TMEM132A: variants seen among roughly 807,000 people sequenced by gnomAD.
TMEM132A encodes the protein transmembrane protein 132A.
TMEM132A carries 48 observed loss-of-function variants against 69.9 expected under a neutral mutation model. The observed-to-expected ratio is 0.69, with a 90% CI of 0.55 to 0.87. The LOEUF is 0.87. Among genes scored for constraint, TMEM132A ranks in the 40% least tolerant of loss-of-function variants. TMEM132A has a pLI of 0.00. For missense variants in TMEM132A, 1,287 were observed against 1,407.2 expected, an observed-to-expected ratio of 0.91 and a Z score of 1.37; for synonymous variants, 577 against 613.7, an observed-to-expected ratio of 0.94 and a Z score of 0.88.
At chr11:60,925,877 G>A (rs1856336651) in intron 1 of TMEM132A, 1 of 152,268 alleles carries the variant, frequency 6.6e-6, no homozygotes, top group South Asian at 2.1e-4. Flanking sequence ...TTTTACAAGT[G>A]AGGAAACAGG....
chr11:60,934,900 A>C (rs1285989799), intron 9 of TMEM132A, 136 bp downstream of exon 9: 24 of 972,602 alleles, frequency 2.5e-5, no homozygotes, highest in Non-Finnish European at 3.0e-6. Flanking sequence ...GTCTGAGTGC[A>C]GTGGGATTGG....
rs144571499 is a variant in TMEM132A at position 60,932,011 on chromosome 11, C to G, written c.1240C>G (p.Leu414Val). The change falls in exon 7 of 11, where the codon CTG becomes GTG. Residue 414 changes from leucine (L) to valine (V), a missense_variant. Leu to Val is a conservative substitution (Grantham distance 32). Coordinates refer to ENST00000453848, the MANE Select transcript of TMEM132A (RefSeq NM_178031.3). Reference sequence around the variant, plus strand: ...TGAGGAGCTGGTGAATACAGCACCACTGACTGGAGTGCCCCAGCATGTCCC... The same window carrying G: ...TGAGGAGCTGGTGAATACAGCACCAGTGACTGGAGTGCCCCAGCATGTCCC... ...KAEELVNTAP[L>V]TGVPQHVPVR... The G allele has an allele frequency of 2.5e-6, 4 of 1,602,388 alleles. No homozygotes were observed. The highest frequency in any genetic ancestry group is 3.4e-6 in the Non-Finnish European group (4 of 1,174,488).
Position 60,936,301 on chromosome 11 carries a change from G to T in TMEM132A, c.2466G>T (p.Glu822Asp). 1.2e-6 allele frequency: 2 copies of T among 1,613,874 alleles called. No individual in the cohort carries two copies. The highest frequency in any genetic ancestry group is 1.7e-5 in the Admixed American group (1 of 60,012). Residue 822 changes from glutamate (E) to aspartate (D), a missense_variant, in exon 11 of 11, where the codon GAG becomes GAT. Transcript: ENST00000453848. ...CAGAGGAGGAGGCCAGGAAGGAGGA[G>T]ACCGAAGCCAGGGAGGAGGAGGAGG... ...ERAEEEARKE[E>D]TEAREEEEEE...
In TMEM132A at chr11:60,928,786, C is replaced by A. The variant is rs1410804359; in HGVS notation, c.692C>A (p.Ala231Asp). 6.2e-7 allele frequency: 1 copy of A among 1,610,104 alleles called. No individual in the cohort carries two copies. Among genetic ancestry groups the A allele is most frequent in the Non-Finnish European group, 8.5e-7 (1 of 1,179,002 alleles). ...GAGGAGAACGACCCTGGGGAGCAGG[C>A]CCTCCCAGTGGGGGGTGTGGAGCTG... The part of the protein sequence containing the change: ...SGEENDPGEQ[A>D]LPVGGVELRP... The change falls in exon 4 of 11, where the codon GCC (alanine) becomes GAC (aspartate). Residue 231 changes from alanine to aspartate, a missense_variant. By Grantham distance (126) the Ala-to-Asp change is moderately radical. Transcript: ENST00000453848.
At chr11:60,925,230 C>A in intron 1 of TMEM132A, 1 of 153,268 alleles carries the variant, frequency 6.5e-6, no homozygotes, top group South Asian at 2.0e-4. Context: ...TTGGCGTCTC[C>A]AGGGATGGCC....
Position 60,924,499 on chromosome 11 carries a change from G to T in TMEM132A, c.-135G>T. ...ATTGTCTGGGAATTGCAGCCGCGGGGCGGGCGGCGGCGGCGGCGGCGGCGG... is the reference window on the plus strand; with the variant it reads ...ATTGTCTGGGAATTGCAGCCGCGGGTCGGGCGGCGGCGGCGGCGGCGGCGG... On this transcript the variant is annotated 5_prime_UTR_variant, in exon 1 of 11. Coordinates refer to ENST00000453848, the MANE Select transcript of TMEM132A (RefSeq NM_178031.3). The T allele has an allele frequency of 4.2e-6, 2 of 480,870 alleles. No individual in the cohort carries two copies. The highest frequency in any genetic ancestry group is 6.6e-6 in the Non-Finnish European group (2 of 303,328). The allele number at this position is 480,870 out of a possible 1,614,324, so 29.8% of individuals were successfully genotyped here. A position where few individuals can be genotyped will look rare whatever the true frequency, so the allele number is the denominator to read the frequency against.
Position 60,934,562 on chromosome 11 carries a change from G to C in TMEM132A, c.1634G>C (p.Arg545Pro), listed in dbSNP as rs775289860. Residue 545 changes from arginine to proline, a missense_variant, in exon 9 of 11, where the codon CGG becomes CCG. Arg to Pro is a moderately radical substitution (Grantham distance 103). Coordinates refer to ENST00000453848, the MANE Select transcript of TMEM132A (RefSeq NM_178031.3). Reference sequence around the variant, plus strand: ...CGTGGCTGCCACCTGCAGTACCAGCGGGCCGGTGTGCGCTTCCTCGCCCCC... The same window carrying C: ...CGTGGCTGCCACCTGCAGTACCAGCCGGCCGGTGTGCGCTTCCTCGCCCCC... ...RARGCHLQYQ[R>P]AGVRFLAPFA... The C allele has an allele frequency of 6.5e-7, 1 of 1,529,560 alleles. No individual in the cohort carries two copies. Among genetic ancestry groups the C allele is most frequent in the Non-Finnish European group, 8.7e-7 (1 of 1,146,540 alleles). The allele number at this position is 1,529,560 out of a possible 1,614,324, so 94.7% of individuals were successfully genotyped here.
chr11:60,932,012 TG>T lies in TMEM132A; in HGVS notation c.1242del (p.Thr415LeufsTer23), dbSNP rs1466739649. On this transcript the variant is annotated frameshift_variant, in exon 7 of 11. Transcript: ENST00000453848. LOFTEE classifies it high-confidence loss of function. ...KAEELVNTAP[L>X]TGVPQHVPVR... is the part of the protein sequence containing the mutation. ...GAGGAGCTGGTGAATACAGCACCAC[TG>T]ACTGGAGTGCCCCAGCATGTCCCCG... 8.7e-6 allele frequency: 14 copies of T among 1,601,952 alleles called. No homozygotes were observed. Among genetic ancestry groups the T allele is most frequent in the Non-Finnish European group, 1.2e-5 (14 of 1,174,272 alleles).
In TMEM132A at chr11:60,924,557, G is replaced by C; in HGVS notation, c.-77G>C. ...CCAGCGGGCCAGGTGGGGACGGCGC[G>C]GAGCGGGTGCGGGAGATGCCGTGCG... On this transcript the variant is annotated 5_prime_UTR_variant, in exon 1 of 11. Transcript: ENST00000453848. 1 of 1,243,902 alleles carries C rather than the reference G, an allele frequency of 8.0e-7. No individual in the cohort carries two copies. The highest frequency in any genetic ancestry group is 2.5e-5 in the Admixed American group (1 of 40,574). The allele number at this position is 1,243,902 out of a possible 1,614,324, so 77.1% of individuals were successfully genotyped here.
At position 60,927,651 on chromosome 11, in the gene TMEM132A, C is replaced by G. The variant is rs538667454; in HGVS notation, c.326C>G (p.Pro109Arg). 5 of 1,611,080 alleles carry G rather than the reference C, an allele frequency of 3.1e-6. No individual in the cohort carries two copies. In the South Asian group the frequency reaches 3.3e-5, roughly 11 times the overall value. Reference sequence around the variant, plus strand: ...TCATTCTCCCTCCAGGTGGTCCCCCCTCGAGTCACTGAGCCCCACCAACGG... The same window carrying G: ...TCATTCTCCCTCCAGGTGGTCCCCCGTCGAGTCACTGAGCCCCACCAACGG... ...PPFATQQVVP[P>R]RVTEPHQRPV... The change falls in exon 3 of 11, where the codon CCT (proline) becomes CGT (arginine). Residue 109 changes from proline (P) to arginine (R), a missense_variant. Physicochemically the swap from Pro to Arg is moderately radical, Grantham distance 103. Coordinates refer to ENST00000453848, the MANE Select transcript of TMEM132A (RefSeq NM_178031.3).
At chr11:60,930,717 G>A (rs1164035484) in intron 5 of TMEM132A, 58 bp downstream of exon 5, 37 of 1,516,734 alleles carry the variant, frequency 2.4e-5, no homozygotes, top group Non-Finnish European at 2.8e-5. Flanking sequence ...ATAGAGTGCA[G>A]TTGAGCAGAT....
At chr11:60,932,619 A>G (rs980782461) in intron 7 of TMEM132A, 1 of 152,542 alleles carries the variant, frequency 6.6e-6, no homozygotes, top group African/African-American at 2.4e-5. Context: ...ATGATGTAAT[A>G]ATTATACAAT....
chr11:60,936,507 A>G lies in TMEM132A; in HGVS notation c.2672A>G (p.Gln891Arg), dbSNP rs1370275173. The G allele has an allele frequency of 1.9e-6, 3 of 1,613,932 alleles. No individual in the cohort carries two copies. Among genetic ancestry groups the G allele is most frequent in the Non-Finnish European group, 2.5e-6 (3 of 1,179,984 alleles). Reference sequence around the variant, plus strand: ...AGTGCCACTGACCCCACCTCCCCCCAGCCCCACAACTGGGTCTGGCTGGGC... The same window carrying G: ...AGTGCCACTGACCCCACCTCCCCCCGGCCCCACAACTGGGTCTGGCTGGGC... ...PDSATDPTSP[Q>R]PHNWVWLGTD... Residue 891 changes from glutamine to arginine, a missense_variant, in exon 11 of 11, where the codon CAG becomes CGG. Gln to Arg is a conservative substitution (Grantham distance 43). Coordinates refer to ENST00000453848, the MANE Select transcript of TMEM132A (RefSeq NM_178031.3).
chr11:60,931,958 G>A, intron 6 of TMEM132A, 26 bp from the exon 7 acceptor site: 6 of 1,612,556 alleles, frequency 3.7e-6, no homozygotes, highest in African/African-American at 1.3e-5. Flanking sequence ...GAGGGGCCTG[G>A]GGCTGAGCCC....
At chr11:60,929,701 A>G (rs1856433526) in intron 4 of TMEM132A, among the ~76,000 whole-genome samples, 1 of 152,172 alleles carries the variant, frequency 6.6e-6, no homozygotes, top group South Asian at 2.1e-4. Flanking sequence ...GTCTGTGGAC[A>G]TGCTTTGAAA....
chr11:60,934,344 G>A, intron 8 of TMEM132A, 144 bp from the exon 9 acceptor site: 1 of 744,382 alleles, frequency 1.3e-6, no homozygotes, highest in Non-Finnish European at 1.9e-6. Flanking sequence ...GACCCCAAGA[G>A]GGGCGGATGT....
chr11:60,930,456 A>T (rs1290750323), intron 4 of TMEM132A, 54 bp from the exon 5 acceptor site: 4 of 1,510,694 alleles, frequency 2.6e-6, no homozygotes, highest in Non-Finnish European at 2.7e-6. Flanking sequence ...CCTTCAATCC[A>T]GCCCACAGTT....
In TMEM132A at chr11:60,924,576, C is replaced by T. The variant is rs915953637; in HGVS notation, c.-58C>T. On this transcript the variant is annotated 5_prime_UTR_variant, in exon 1 of 11. Coordinates refer to ENST00000453848, the MANE Select transcript of TMEM132A (RefSeq NM_178031.3). ...CGGCGCGGAGCGGGTGCGGGAGATG[C>T]CGTGCGGGACTGGGGCCACCTGAGC... 4.3e-6 allele frequency: 6 copies of T among 1,398,898 alleles called. No individual in the cohort carries two copies. The highest frequency in any genetic ancestry group is 2.9e-5 in the East Asian group (1 of 34,964). The allele number at this position is 1,398,898 out of a possible 1,614,324, so 86.7% of individuals were successfully genotyped here.
chr11:60,926,994 G>A lies in TMEM132A; in HGVS notation c.101-210G>A, dbSNP rs967970315. On this transcript the variant is annotated intron_variant, in intron 1 of 10. Coordinates refer to ENST00000453848, the MANE Select transcript of TMEM132A (RefSeq NM_178031.3). ...TGGGAAGCATCCAGTCCTGGACTCA[G>A]ATTCGAATCCTGGCTTTGCTACATA... 37 of 619,752 alleles carry A rather than the reference G, an allele frequency of 6.0e-5. No homozygotes were observed. The East Asian group carries it at 9.6e-4, about 16-fold the overall frequency. The allele number at this position is 619,752 out of a possible 1,614,324, so 38.4% of individuals were successfully genotyped here. A position where few individuals can be genotyped will look rare whatever the true frequency, so the allele number is the denominator to read the frequency against.
Sources: allele counts gnomAD v4.1 joint callset (sites outside exome capture counted in the v4.1 genomes callset), GRCh38; gene constraint gnomAD v4.1.1; transcripts MANE v1.5; gene names NCBI Gene and HGNC (gene_info 2026-07-23, HGNC 2026-07-21).